Variants in ESYT2 observed in about 807,000 individuals in gnomAD.
The protein encoded by ESYT2 is extended synaptotagmin-2.
ESYT2 carries 54 observed loss-of-function variants against 107.2 expected under a neutral mutation model. The observed-to-expected ratio is 0.50, with a 90% CI of 0.40 to 0.63. ESYT2 has a LOEUF of 0.63. ESYT2 is among the 30% of genes least tolerant of loss of function. ESYT2 has a pLI of 0.00. For synonymous variants in ESYT2, 491 were observed against 434.1 expected (o/e 1.13, Z -1.63); for missense variants, 1,020 against 1,094.5 (o/e 0.93, Z 0.96).
chr7:158,757,459 A>C (rs763192329), intron 13 of ESYT2, among the ~76,000 whole-genome samples: 1 of 152,202 alleles, frequency 6.6e-6, no homozygotes, highest in Non-Finnish European at 1.5e-5. Context: ...CCAGGGGAGA[A>C]AGCAGAGAAC....
At chr7:158,747,966 C>T (rs1458596732) in intron 16 of ESYT2, among the ~76,000 whole-genome samples, 1 of 152,194 alleles carries the variant, frequency 6.6e-6, no homozygotes, top group African/African-American at 2.4e-5. Context: ...CCGCATAATT[C>T]TATTTGTATA....
intron 10 of ESYT2, among the ~76,000 whole-genome samples, chr7:158,761,993 C>A (rs1042039180): frequency 6.6e-6 from 1 of 152,176 alleles, no homozygotes; most frequent in Non-Finnish European, 1.5e-5. Flanking sequence ...ATTCCTCACT[C>A]GCACAGTGAA....
chr7:158,778,393 G>C (rs531417614), intron 6 of ESYT2, among the ~76,000 whole-genome samples: 33 of 150,264 alleles, frequency 2.2e-4, no homozygotes, highest in Admixed American at 9.3e-4. Flanking sequence ...TTTTGGACCT[G>C]TTAATATATT....
intron 14 of ESYT2, among the ~76,000 whole-genome samples, chr7:158,750,014 C>T (rs1837530335): frequency 1.3e-5 from 2 of 152,034 alleles, no homozygotes; most frequent in Admixed American, 6.6e-5. Context: ...TCACACTTTT[C>T]GAAAGTTCTT....
chr7:158,782,668 G>C (rs1391617461), intron 6 of ESYT2, among the ~76,000 whole-genome samples: 2 of 152,218 alleles, frequency 1.3e-5, no homozygotes, highest in Admixed American at 1.3e-4. Flanking sequence ...AAGAACAAGT[G>C]TGAGAACAAA....
At chr7:158,809,192 G>A (rs1027115191) in intron 1 of ESYT2, among the ~76,000 whole-genome samples, 10 of 151,688 alleles carry the variant, frequency 6.6e-5, no homozygotes, top group African/African-American at 2.4e-4. Flanking sequence ...CAAAAGTGAC[G>A]GGGCGTGGTG....
chr7:158,763,863 A>C lies in ESYT2; in HGVS notation c.1102-698T>G, dbSNP rs747405251. Reference sequence around the variant, plus strand: ...TGGCTCCACTCAGATGCTATCTTGGAATAACCACGAGTTATCTGCTTAGCA... The same window carrying C: ...TGGCTCCACTCAGATGCTATCTTGGCATAACCACGAGTTATCTGCTTAGCA... On this transcript the variant is annotated intron_variant, in intron 9 of 22. Transcript: ENST00000275418. Among the ~76,000 whole-genome samples, 149 of 152,164 alleles carry C rather than the reference A, an allele frequency of 9.8e-4. 1 individual carries two copies. The highest frequency in any genetic ancestry group is 1.5e-3 in the Non-Finnish European group (99 of 68,024).
At chr7:158,767,842 A>G in intron 7 of ESYT2, 68 bp from the exon 8 acceptor site, 3 of 1,540,690 alleles carry the variant, frequency 1.9e-6, no homozygotes, top group Non-Finnish European at 2.6e-6. Flanking sequence ...CACCTTTGAC[A>G]ACAGACTTAC....
At chr7:158,737,228 G>T (rs1162010659) in intron 19 of ESYT2, 49 bp from the exon 20 acceptor site, 1 of 1,587,488 alleles carries the variant, frequency 6.3e-7, no homozygotes, top group South Asian at 1.1e-5. Context: ...GAGAAAAAGA[G>T]AATGAGCAGC....
In ESYT2 at chr7:158,748,223, T is replaced by G; in HGVS notation, c.1615A>C (p.Asn539His). 6.2e-7 allele frequency: 1 copy of G among 1,614,218 alleles called. No homozygotes were observed. Among genetic ancestry groups the G allele is most frequent in the Non-Finnish European group, 8.5e-7 (1 of 1,180,040 alleles). The change falls in exon 16 of 23, where the codon AAT (asparagine) becomes CAT (histidine). Residue 539 changes from asparagine (N) to histidine (H), a missense_variant. By Grantham distance (68) the Asn-to-His change is moderately conservative. Transcript: ENST00000275418. ...ACTTCAAGGTCCTGGCGCTTGGGAT[T>G]GTGAATGAAGAAAGTGAAGTTTTCC... ...WEENFTFFIHNPKRQDLEVEV... is the reference protein window; with the variant it reads ...WEENFTFFIHHPKRQDLEVEV...
At chr7:158,792,621 CTTTA>C (rs1438147636) in intron 4 of ESYT2, among the ~76,000 whole-genome samples, 1 of 151,400 alleles carries the variant, frequency 6.6e-6, no homozygotes, top group Non-Finnish European at 1.5e-5. Flanking sequence ...CCTGGGTGCC[CTTTA>C]TTTCTTTCTC....
chr7:158,811,979 G>T (rs1214683387), intron 1 of ESYT2, among the ~76,000 whole-genome samples: 1 of 152,240 alleles, frequency 6.6e-6, no homozygotes, highest in Non-Finnish European at 1.5e-5. Flanking sequence ...TACTGAGAAA[G>T]CACAAACTGG....
At chr7:158,811,872 T>TAC (rs1435409679) in intron 1 of ESYT2, among the ~76,000 whole-genome samples, 1 of 151,962 alleles carries the variant, frequency 6.6e-6, no homozygotes, top group East Asian at 1.9e-4. Context: ...GGAAGAAGGG[T>TAC]ACAGTCTCTT....
intron 1 of ESYT2, among the ~76,000 whole-genome samples, chr7:158,804,483 G>A (rs1839759654): frequency 6.7e-6 from 1 of 148,938 alleles, no homozygotes; most frequent in Admixed American, 6.7e-5. Context: ...GCCGAGAAGG[G>A]TGAGGCGCGT....
chr7:158,754,433 G>C (rs1394329273), intron 13 of ESYT2, among the ~76,000 whole-genome samples: 2 of 151,876 alleles, frequency 1.3e-5, no homozygotes, highest in South Asian at 2.1e-4. Context: ...GGATGGTCTT[G>C]ATCTCTTGAC....
At chr7:158,762,981 A>T (rs1838025947) in intron 10 of ESYT2, 102 bp downstream of exon 10, 1 of 706,780 alleles carries the variant, frequency 1.4e-6, no homozygotes, top group South Asian at 2.0e-5. Flanking sequence ...TTTAATGAAT[A>T]GACAACAAGT....
chr7:158,755,041 C>CA (rs1837704841), intron 13 of ESYT2, among the ~76,000 whole-genome samples: 1 of 152,166 alleles, frequency 6.6e-6, no homozygotes, highest in African/African-American at 2.4e-5. Flanking sequence ...AGAATTTCAT[C>CA]AAAAGAAGGA....
chr7:158,737,258 C>G lies in ESYT2; in HGVS notation c.2268-79G>C, dbSNP rs921862060. On this transcript the variant is annotated intron_variant, in intron 19 of 22. Transcript: ENST00000275418. ...AGCAGCACATTCAGATATGCTTTAT[C>G]AAGCTTTGATTTCATGTTTATCTAC... 3.0e-5 allele frequency: 45 copies of G among 1,507,950 alleles called. 1 individual carries two copies. Among genetic ancestry groups the G allele is most frequent in the Non-Finnish European group, 3.9e-5 (43 of 1,113,370 alleles). 93.4% of individuals were successfully genotyped at this position (1,507,950 alleles called of 1,614,324 possible). A position where few individuals can be genotyped will look rare whatever the true frequency, so the allele number is the denominator to read the frequency against.
chr7:158,771,582 A>G (rs545609962), intron 7 of ESYT2, among the ~76,000 whole-genome samples: 7 of 152,360 alleles, frequency 4.6e-5, no homozygotes, highest in African/African-American at 1.7e-4. Flanking sequence ...AGGCACAGCA[A>G]GAGACTGCCT....
Sources: gnomAD v4.1 joint callset for allele counts (sites outside exome capture counted in the v4.1 genomes callset) on GRCh38, gnomAD v4.1.1 for gene constraint, MANE v1.5 for transcripts, NCBI Gene and HGNC (gene_info 2026-07-23, HGNC 2026-07-21) for gene names.